TMTC2: variants seen among roughly 807,000 people sequenced by gnomAD.
TMTC2 encodes protein O-mannosyl-transferase TMTC2.
A neutral mutation model predicts 82.4 loss-of-function variants in TMTC2; 43 were observed. The observed-to-expected ratio is 0.52, with a 90% CI of 0.41 to 0.67. The LOEUF (loss-of-function observed/expected upper bound fraction) is 0.67. TMTC2 is among the 30% of genes least tolerant of loss of function. The probability of loss-of-function intolerance (pLI) is 0.00; values close to 1 mark genes in which losing one functional copy is unlikely to be tolerated. For synonymous variants in TMTC2, 408 were observed against 381.9 expected (o/e 1.07, Z -0.80); for missense variants, 919 against 1,012.4 (o/e 0.91, Z 1.25).
intron 2 of TMTC2, among the ~76,000 whole-genome samples, chr12:82,860,477 C>A (rs1871486498): frequency 6.6e-6 from 1 of 152,108 alleles, no homozygotes; most frequent in South Asian, 2.1e-4. Context: ...AATTGACTGC[C>A]CAGTAGAAAG....
chr12:82,853,851 GT>G (rs1411559765), intron 1 of TMTC2, among the ~76,000 whole-genome samples: 1 of 151,962 alleles, frequency 6.6e-6, no homozygotes, highest in Non-Finnish European at 1.5e-5. Context: ...CAATATCTAG[GT>G]TAATGTCTAG....
intron 11 of TMTC2, among the ~76,000 whole-genome samples, chr12:83,124,062 A>G (rs1885035113): frequency 6.6e-6 from 1 of 152,166 alleles, no homozygotes; most frequent in Non-Finnish European, 1.5e-5. Context: ...TGATGCATGG[A>G]TAACAGTTTC....
chr12:82,939,738 C>G (rs1876601170), intron 4 of TMTC2, among the ~76,000 whole-genome samples: 1 of 152,068 alleles, frequency 6.6e-6, no homozygotes, highest in African/African-American at 2.4e-5. Context: ...TAACCCCTGT[C>G]AAGATCAAGT....
chr12:83,022,427 A>G (rs1420929028), intron 8 of TMTC2, among the ~76,000 whole-genome samples: 2 of 134,978 alleles, frequency 1.5e-5, no homozygotes, highest in Non-Finnish European at 3.0e-5. Context: ...AAAGCACTGA[A>G]GACTGACAGT....
chr12:82,831,602 A>G (rs1869751189), intron 1 of TMTC2, among the ~76,000 whole-genome samples: 2 of 152,092 alleles, frequency 1.3e-5, no homozygotes, highest in Admixed American at 1.3e-4. Flanking sequence ...CTTCAGGCCA[A>G]ACTCTTTGTT....
At chr12:82,958,500 A>G (rs1476771181) in intron 4 of TMTC2, among the ~76,000 whole-genome samples, 1 of 152,146 alleles carries the variant, frequency 6.6e-6, no homozygotes, top group Admixed American at 6.6e-5. Context: ...AGTAGGCTTC[A>G]TTCCTGGGAT....
chr12:82,979,295 G>C (rs1878817579), intron 7 of TMTC2, among the ~76,000 whole-genome samples: 1 of 151,154 alleles, frequency 6.6e-6, no homozygotes, highest in South Asian at 2.1e-4. Flanking sequence ...ATTTTCTCTG[G>C]TTGTATGTTT....
At chr12:83,100,318 A>G (rs773177662) in intron 11 of TMTC2, among the ~76,000 whole-genome samples, 17 of 151,808 alleles carry the variant, frequency 1.1e-4, no homozygotes, top group African/African-American at 4.1e-4. Context: ...CTTATTCCCC[A>G]TAATACCCAA....
chr12:83,080,621 G>A (rs1014428328), intron 11 of TMTC2, among the ~76,000 whole-genome samples: 2 of 152,058 alleles, frequency 1.3e-5, no homozygotes, highest in East Asian at 1.9e-4. Flanking sequence ...CCAGGCAGCC[G>A]GGTTTTTGAA....
intron 3 of TMTC2, among the ~76,000 whole-genome samples, chr12:82,929,454 C>T (rs950719025): frequency 6.6e-6 from 1 of 152,146 alleles, no homozygotes; most frequent in Admixed American, 6.6e-5. Flanking sequence ...TAAACTGAAG[C>T]ACAGGAGTTT....
At position 82,857,432 on chromosome 12, in the gene TMTC2, G is replaced by A; in HGVS notation, c.506G>A (p.Trp169Ter). ...CSTRGYSART[W>*]GWFLGSGLCA... is the part of the protein sequence containing the mutation. ...ACAAGAGGCTACTCAGCCAGAACCT[G>A]GGGCTGGTTCCTGGGGTCAGGACTG... Residue 169 changes from tryptophan (W) to a stop codon, truncating the protein, a stop_gained, in exon 2 of 12, where the codon TGG becomes TAG. Coordinates refer to ENST00000321196, the MANE Select transcript of TMTC2 (RefSeq NM_152588.3). LOFTEE classifies it high-confidence loss of function. 1 of 1,614,194 alleles carries A rather than the reference G, an allele frequency of 6.2e-7. No individual in the cohort carries two copies. Among genetic ancestry groups the A allele is most frequent in the Non-Finnish European group, 8.5e-7 (1 of 1,180,038 alleles).
At chr12:83,085,122 A>G (rs1883607818) in intron 11 of TMTC2, among the ~76,000 whole-genome samples, 1 of 152,134 alleles carries the variant, frequency 6.6e-6, no homozygotes, top group Non-Finnish European at 1.5e-5. Context: ...AGAGCTCTCT[A>G]TTTTAATCCT....
chr12:82,932,970 T>C (rs1488870886), intron 4 of TMTC2, among the ~76,000 whole-genome samples: 1 of 152,216 alleles, frequency 6.6e-6, no homozygotes, highest in Non-Finnish European at 1.5e-5. Context: ...GATGCATATA[T>C]AAGTCATGAC....
chr12:82,876,480 C>T (rs894159128), intron 2 of TMTC2, among the ~76,000 whole-genome samples: 1 of 152,076 alleles, frequency 6.6e-6, no homozygotes, highest in African/African-American at 2.4e-5. Flanking sequence ...ATGAAGAACA[C>T]ATAGGGTGGT....
At chr12:82,816,209 G>T (rs2137056137) in intron 1 of TMTC2, among the ~76,000 whole-genome samples, 1 of 148,226 alleles carries the variant, frequency 6.7e-6, no homozygotes, top group Non-Finnish European at 1.5e-5. Flanking sequence ...TTTAGAGAAT[G>T]CTCTAAATAG....
At chr12:83,009,163 CAT>C (rs1326419826) in intron 8 of TMTC2, among the ~76,000 whole-genome samples, 1 of 152,158 alleles carries the variant, frequency 6.6e-6, no homozygotes, top group Non-Finnish European at 1.5e-5. Context: ...GCTCTGGTAA[CAT>C]CTTTTACCCT....
chr12:82,819,570 C>G (rs1437543760), intron 1 of TMTC2, among the ~76,000 whole-genome samples: 2 of 143,942 alleles, frequency 1.4e-5, no homozygotes, highest in African/African-American at 2.6e-5. Flanking sequence ...GGCATGATCT[C>G]AGCTCATTGC....
chr12:83,047,019 A>C (rs563326432), intron 9 of TMTC2, among the ~76,000 whole-genome samples: 1 of 152,372 alleles, frequency 6.6e-6, no homozygotes, highest in South Asian at 2.1e-4. Flanking sequence ...TGTTTTGGGC[A>C]TAAAAATGAA....
chr12:82,805,586 T>C (rs1458198673), intron 1 of TMTC2, among the ~76,000 whole-genome samples: 1 of 147,542 alleles, frequency 6.8e-6, no homozygotes, highest in African/African-American at 2.5e-5. Flanking sequence ...TGGCTCACTG[T>C]AAGCTCCGTC....
Sources: gnomAD v4.1 joint callset for allele counts (sites outside exome capture counted in the v4.1 genomes callset) on GRCh38, gnomAD v4.1.1 for gene constraint, MANE v1.5 for transcripts, NCBI Gene and HGNC (gene_info 2026-07-23, HGNC 2026-07-21) for gene names.